GPC6: variants seen among roughly 807,000 people sequenced by gnomAD.
GPC6 encodes glypican 6.
GPC6 carries 14 observed loss-of-function variants against 55.2 expected under a neutral mutation model. The observed-to-expected ratio is 0.25, with a 90% confidence interval of 0.17 to 0.40. The LOEUF is 0.40. Ranked by LOEUF, GPC6 falls within the 10% of genes least tolerant of loss-of-function variation. The pLI is 1.00. For missense variants in GPC6, 641 were observed against 708.5 expected, an observed-to-expected ratio of 0.90 and a Z score of 1.08; for synonymous variants, 278 against 259.6, an observed-to-expected ratio of 1.07 and a Z score of -0.68.
intron 4 of GPC6, among the ~76,000 whole-genome samples, chr13:94,199,753 G>A (rs1287199175): frequency 1.3e-5 from 2 of 152,194 alleles, no homozygotes. Flanking sequence ...CTTATTGGTT[G>A]ATAGAATGCA....
At chr13:93,846,871 C>A (rs549872152) in intron 3 of GPC6, among the ~76,000 whole-genome samples, 27 of 152,208 alleles carry the variant, frequency 1.8e-4, no homozygotes, top group African/African-American at 6.3e-4. Context: ...GAGCTTGTGG[C>A]TATAGCTAAG....
chr13:93,919,228 G>A (rs936519294), intron 3 of GPC6, among the ~76,000 whole-genome samples: 7 of 152,178 alleles, frequency 4.6e-5, no homozygotes, highest in Admixed American at 4.6e-4. Flanking sequence ...AGAGCCATGA[G>A]CCATTAAACC....
At chr13:93,571,333 C>G (rs950894349) in intron 2 of GPC6, among the ~76,000 whole-genome samples, 2 of 152,120 alleles carry the variant, frequency 1.3e-5, no homozygotes, top group Admixed American at 6.6e-5. Flanking sequence ...ACTATTCATA[C>G]ATGAGAATTA....
intron 1 of GPC6, among the ~76,000 whole-genome samples, chr13:93,312,866 T>A (rs1879121118): frequency 1.3e-5 from 2 of 152,160 alleles, no homozygotes. Flanking sequence ...TTAATTTGAT[T>A]TTAATGATAT....
In GPC6 at chr13:94,190,809, A is replaced by G. The variant is rs576080751; in HGVS notation, c.878-95540A>G. 3.0e-4 allele frequency among the ~76,000 whole-genome samples: 45 copies of G among 152,308 alleles called. 1 individual carries two copies. The highest frequency in any genetic ancestry group is 9.9e-4 in the African/African-American group (41 of 41,580). ...GTGAGAATTATCTCAAAAGTTATAT[A>G]TGTTAACATATGAGTAGCATATATG... On this transcript the variant is annotated intron_variant, in intron 4 of 8. Transcript: ENST00000377047.
chr13:93,869,294 T>C (rs752541317), intron 3 of GPC6, among the ~76,000 whole-genome samples: 12 of 151,828 alleles, frequency 7.9e-5, no homozygotes, highest in Non-Finnish European at 1.3e-4. Context: ...TTTCCCTCAG[T>C]TGGAGCTTAG....
At chr13:94,252,647 A>G (rs1396030967) in intron 4 of GPC6, among the ~76,000 whole-genome samples, 4 of 152,132 alleles carry the variant, frequency 2.6e-5, no homozygotes, top group African/African-American at 9.7e-5. Flanking sequence ...AGTGTGTGTT[A>G]TCTTTAGTAT....
At chr13:94,398,875 C>T (rs117169580) in intron 8 of GPC6, among the ~76,000 whole-genome samples, 3 of 152,298 alleles carry the variant, frequency 2.0e-5, no homozygotes, top group East Asian at 1.9e-4. Flanking sequence ...TTACATTCAG[C>T]CATACCAAAG....
At chr13:94,373,162 C>T (rs1307285626) in intron 6 of GPC6, among the ~76,000 whole-genome samples, 1 of 152,160 alleles carries the variant, frequency 6.6e-6, no homozygotes, top group Non-Finnish European at 1.5e-5. Context: ...AGCGCCTCTC[C>T]TCCTCCAAAG....
At chr13:93,316,330 G>A (rs887357673) in intron 1 of GPC6, among the ~76,000 whole-genome samples, 3 of 152,000 alleles carry the variant, frequency 2.0e-5, no homozygotes, top group African/African-American at 7.2e-5. Context: ...CCTAATGTGT[G>A]GGTATATGTC....
chr13:93,631,256 G>C (rs916422767), intron 2 of GPC6, among the ~76,000 whole-genome samples: 2 of 152,074 alleles, frequency 1.3e-5, no homozygotes, highest in Non-Finnish European at 2.9e-5. Flanking sequence ...CCCAGGAAAA[G>C]GAGGAGCCAG....
chr13:93,434,820 C>T (rs1338475563), intron 1 of GPC6, among the ~76,000 whole-genome samples: 2 of 152,138 alleles, frequency 1.3e-5, no homozygotes, highest in African/African-American at 4.8e-5. Flanking sequence ...TATTCTCCTG[C>T]CTCCGCCTCC....
intron 3 of GPC6, among the ~76,000 whole-genome samples, chr13:93,960,704 C>G (rs1217712511): frequency 6.6e-6 from 1 of 152,042 alleles, no homozygotes; most frequent in Non-Finnish European, 1.5e-5. Flanking sequence ...TCTTCAGTAG[C>G]CTTAGACTCC....
At position 94,020,337 on chromosome 13, in the gene GPC6, A is replaced by G. The variant is rs147548507; in HGVS notation, c.712-7392A>G. Among the ~76,000 whole-genome samples, 626 of 152,272 alleles carry G rather than the reference A, an allele frequency of 4.1e-3. 5 individuals carry two copies. The highest frequency in any genetic ancestry group is 0.015 in the African/African-American group (603 of 41,542). On this transcript the variant is annotated intron_variant, in intron 3 of 8. Coordinates refer to ENST00000377047, the MANE Select transcript of GPC6 (RefSeq NM_005708.5). ...TTTCTAGCTTCATTCCTTTGTGGTC[A>G]GAGAATATACTTTGTACGATTGCAA...
chr13:93,499,091 TCACA>T (rs61370011), intron 1 of GPC6, among the ~76,000 whole-genome samples: 8,888 of 133,700 alleles, frequency 0.066, 849 homozygotes, highest in African/African-American at 0.21. Context: ...TCCTTAATTG[TCACA>T]CACACACACA....
At chr13:93,320,319 A>G (rs1318193461) in intron 1 of GPC6, among the ~76,000 whole-genome samples, 4 of 152,074 alleles carry the variant, frequency 2.6e-5, no homozygotes, top group Non-Finnish European at 5.9e-5. Flanking sequence ...TACCAAGTAT[A>G]TTCTTTTAAC....
intron 2 of GPC6, among the ~76,000 whole-genome samples, chr13:93,578,931 C>T (rs1196118653): frequency 1.3e-5 from 2 of 152,008 alleles, no homozygotes; most frequent in East Asian, 3.9e-4. Flanking sequence ...CTTTTGAAAT[C>T]CTCTTATTTA....
At chr13:93,853,224 T>C (rs1056526402) in intron 3 of GPC6, among the ~76,000 whole-genome samples, 1 of 151,690 alleles carries the variant, frequency 6.6e-6, no homozygotes, top group Admixed American at 6.6e-5. Context: ...TTAAGTAACA[T>C]CTATTTGTCT....
chr13:94,333,729 T>C (rs1020769104), intron 6 of GPC6, among the ~76,000 whole-genome samples: 1 of 152,200 alleles, frequency 6.6e-6, no homozygotes, highest in East Asian at 1.9e-4. Context: ...ATTGCACAAC[T>C]AAGTAGCAGA....
Sources: gnomAD v4.1 joint callset for allele counts (sites outside exome capture counted in the v4.1 genomes callset) on GRCh38, gnomAD v4.1.1 for gene constraint, MANE v1.5 for transcripts, NCBI Gene and HGNC (gene_info 2026-07-23, HGNC 2026-07-21) for gene names.